MBD5: variants seen among roughly 807,000 people sequenced by gnomAD.
MBD5 encodes the protein methyl-CpG binding domain protein 5.
Under a neutral mutation model 117.3 loss-of-function variants are expected in MBD5, and 13 were observed. That is an observed-to-expected ratio of 0.11 (90% CI 0.07 to 0.18). MBD5 has a LOEUF of 0.18. Ranked by LOEUF, MBD5 falls within the 10% of genes least tolerant of loss-of-function variation. The pLI is 1.00. For missense variants in MBD5, 1,879 were observed against 2,093.8 expected (o/e 0.90, Z 2.00); for synonymous variants, 727 against 766.4 (o/e 0.95, Z 0.85).
chr2:148,476,877 T>A (rs1680982413), intron 8 of MBD5, among the ~76,000 whole-genome samples: 1 of 152,170 alleles, frequency 6.6e-6, no homozygotes, highest in Non-Finnish European at 1.5e-5. Context: ...ATTGATGAAG[T>A]GTTTTAACTG....
At chr2:148,282,808 T>G (rs984761768) in intron 3 of MBD5, among the ~76,000 whole-genome samples, 2 of 151,948 alleles carry the variant, frequency 1.3e-5, no homozygotes, top group Admixed American at 1.3e-4. Context: ...ACACTGTATT[T>G]CTGTACTTTC....
intron 4 of MBD5, among the ~76,000 whole-genome samples, chr2:148,433,929 T>A: frequency 7.2e-6 from 1 of 138,782 alleles, no homozygotes; most frequent in African/African-American, 3.0e-5. Flanking sequence ...TTGTTTTCAT[T>A]TTTCTTTTTT....
chr2:148,209,848 C>T (rs544637192), intron 2 of MBD5, among the ~76,000 whole-genome samples: 7 of 152,228 alleles, frequency 4.6e-5, no homozygotes, highest in Admixed American at 3.9e-4. Context: ...AGAGTGAGAA[C>T]TCACTTGTCA....
chr2:148,178,526 T>A (rs78770213), intron 1 of MBD5, among the ~76,000 whole-genome samples, 174 bp from the exon 2 acceptor site: 1,869 of 152,328 alleles, frequency 0.012, 44 homozygotes, highest in African/African-American at 0.042. Context: ...TCTAAACGGT[T>A]AATCTTAATG....
chr2:148,314,275 T>C (rs952144802), intron 3 of MBD5, among the ~76,000 whole-genome samples: 1 of 152,104 alleles, frequency 6.6e-6, no homozygotes, highest in African/African-American at 2.4e-5. Flanking sequence ...AGGAAATTTT[T>C]TTTTTACAGA....
intron 3 of MBD5, among the ~76,000 whole-genome samples, chr2:148,323,077 G>A (rs1486232656): frequency 6.6e-6 from 1 of 150,570 alleles, no homozygotes; most frequent in Non-Finnish European, 1.5e-5. Flanking sequence ...TTCCCACCTA[G>A]GAATGAGAAT....
At chr2:148,206,359 C>T (rs2105983648) in intron 2 of MBD5, among the ~76,000 whole-genome samples, 1 of 152,186 alleles carries the variant, frequency 6.6e-6, no homozygotes, top group Non-Finnish European at 1.5e-5. Context: ...CATAATTATA[C>T]ACATTTATGG....
chr2:148,356,995 T>A (rs116639135), intron 4 of MBD5, among the ~76,000 whole-genome samples: 1,633 of 152,312 alleles, frequency 0.011, 33 homozygotes, highest in African/African-American at 0.037. Context: ...ATGTTTGAAT[T>A]TTTTCTTATT....
chr2:148,106,399 A>G (rs1288546391), intron 1 of MBD5, among the ~76,000 whole-genome samples: 1 of 151,892 alleles, frequency 6.6e-6, no homozygotes, highest in Non-Finnish European at 1.5e-5. Flanking sequence ...TAATAATAAT[A>G]TAGTTTTTGC....
chr2:148,101,765 C>T (rs910814882), intron 1 of MBD5, among the ~76,000 whole-genome samples: 2 of 152,068 alleles, frequency 1.3e-5, no homozygotes, highest in Admixed American at 1.3e-4. Context: ...AAATTGTGTT[C>T]TCTCAGTAAA....
intron 3 of MBD5, among the ~76,000 whole-genome samples, chr2:148,331,420 A>T (rs77510247): frequency 0.013 from 1,910 of 151,858 alleles, 40 homozygotes; most frequent in African/African-American, 0.043. Context: ...AGCCATGTGG[A>T]CAAAGATTAA....
chr2:148,242,871 G>C (rs1224037678), intron 3 of MBD5, among the ~76,000 whole-genome samples: 1 of 152,176 alleles, frequency 6.6e-6, no homozygotes, highest in Non-Finnish European at 1.5e-5. Context: ...TGTATGTATA[G>C]ATTGTTTTGT....
intron 4 of MBD5, among the ~76,000 whole-genome samples, chr2:148,427,017 A>G (rs1351272049): frequency 6.6e-6 from 1 of 152,232 alleles, no homozygotes; most frequent in Non-Finnish European, 1.5e-5. Flanking sequence ...TTCTCAAAAG[A>G]AGACATTTAT....
chr2:148,253,129 T>C (rs1700504772), intron 3 of MBD5, among the ~76,000 whole-genome samples: 2 of 152,154 alleles, frequency 1.3e-5, no homozygotes, highest in African/African-American at 4.8e-5. Context: ...AATGGCCTGG[T>C]ACTTCATGCA....
chr2:148,433,035 T>C (rs1433348706), intron 4 of MBD5, among the ~76,000 whole-genome samples: 1 of 152,126 alleles, frequency 6.6e-6, no homozygotes, highest in Admixed American at 6.6e-5. Flanking sequence ...TTGTCTCTGA[T>C]TTTTTTGAGC....
chr2:148,251,350 T>C (rs981372585), intron 3 of MBD5, among the ~76,000 whole-genome samples: 9 of 152,206 alleles, frequency 5.9e-5, no homozygotes, highest in African/African-American at 2.2e-4. Context: ...TGAAGTTAAA[T>C]GTCATAATAA....
intron 4 of MBD5, among the ~76,000 whole-genome samples, chr2:148,371,855 A>G (rs550346389): frequency 1.9e-4 from 29 of 152,298 alleles, no homozygotes; most frequent in South Asian, 1.7e-3. Flanking sequence ...CTATAAAAAC[A>G]TCAACATATT....
intron 1 of MBD5, among the ~76,000 whole-genome samples, chr2:148,087,695 T>C (rs1020944659): frequency 3.9e-5 from 6 of 152,178 alleles, no homozygotes; most frequent in African/African-American, 7.2e-5. Flanking sequence ...GATTGCCCCA[T>C]GGTGCAAAAG....
chr2:148,052,982 A>AT (rs372873424), intron 1 of MBD5, among the ~76,000 whole-genome samples: 1 of 77,536 alleles, frequency 1.3e-5, no homozygotes, highest in East Asian at 5.9e-4. Flanking sequence ...AAAAAAAAAA[A>AT]GAGAGAGACA....
Sources: allele counts gnomAD v4.1 joint callset (sites outside exome capture counted in the v4.1 genomes callset), GRCh38; gene constraint gnomAD v4.1.1; transcripts MANE v1.5; gene names NCBI Gene and HGNC (gene_info 2026-07-23, HGNC 2026-07-21).